Variants in GUCY1A2 observed in about 807,000 individuals in gnomAD.
The protein encoded by GUCY1A2 is guanylate cyclase soluble subunit alpha-2.
GUCY1A2 carries 27 observed loss-of-function variants against 63.5 expected under a neutral mutation model. The ratio of observed to expected loss-of-function variants is 0.43; its 90% CI spans 0.31 to 0.59. The LOEUF (loss-of-function observed/expected upper bound fraction) is 0.59. Ranked by LOEUF, GUCY1A2 falls within the 20% of genes least tolerant of loss-of-function variation. GUCY1A2 has a pLI of 0.11. For synonymous variants in GUCY1A2, 364 were observed against 343.5 expected (o/e 1.06, Z -0.66); for missense variants, 768 against 913.3 (o/e 0.84, Z 2.05).
chr11:106,815,976 T>C (rs767453387), intron 4 of GUCY1A2, among the ~76,000 whole-genome samples: 3 of 152,146 alleles, frequency 2.0e-5, no homozygotes, highest in Non-Finnish European at 4.4e-5. Flanking sequence ...CTTTGACTTC[T>C]GGCATGCAGG....
intron 7 of GUCY1A2, among the ~76,000 whole-genome samples, chr11:106,693,986 C>A (rs1862672334): frequency 6.6e-6 from 1 of 152,024 alleles, no homozygotes; most frequent in African/African-American, 2.4e-5. Context: ...CTGTAAATAT[C>A]TTTCTATTTA....
intron 4 of GUCY1A2, among the ~76,000 whole-genome samples, chr11:106,814,540 A>G (rs916318521): frequency 6.6e-6 from 1 of 152,094 alleles, no homozygotes; most frequent in African/African-American, 2.4e-5. Flanking sequence ...GTAATTTTGC[A>G]CAACAAATGC....
chr11:106,752,059 T>C (rs1863890610), intron 6 of GUCY1A2, among the ~76,000 whole-genome samples: 1 of 152,186 alleles, frequency 6.6e-6, no homozygotes, highest in Non-Finnish European at 1.5e-5. Flanking sequence ...AGTTACAATA[T>C]GTTAAATACC....
chr11:106,782,468 A>G (rs61905190), intron 5 of GUCY1A2, among the ~76,000 whole-genome samples: 31,201 of 152,086 alleles, frequency 0.21, 3,590 homozygotes, highest in South Asian at 0.29. Context: ...GGACTGGTAA[A>G]TGTCCCATAT....
chr11:107,012,545 T>G (rs1045265726), intron 1 of GUCY1A2, among the ~76,000 whole-genome samples: 5 of 152,130 alleles, frequency 3.3e-5, no homozygotes, highest in Non-Finnish European at 7.4e-5. Context: ...AGATAAGAGT[T>G]AGCTTTCCCA....
chr11:107,009,586 C>A (rs1325392141), intron 1 of GUCY1A2, among the ~76,000 whole-genome samples: 9 of 152,106 alleles, frequency 5.9e-5, no homozygotes, highest in Non-Finnish European at 8.8e-5. Context: ...AACAAAACAT[C>A]CTCGGGAAAA....
chr11:106,694,980 C>T (rs1187627646), intron 7 of GUCY1A2, among the ~76,000 whole-genome samples: 1 of 152,110 alleles, frequency 6.6e-6, no homozygotes, highest in East Asian at 1.9e-4. Flanking sequence ...TTTAGATTAT[C>T]CTCCTAATTA....
chr11:106,766,040 G>A (rs1864156587), intron 6 of GUCY1A2, among the ~76,000 whole-genome samples: 1 of 152,120 alleles, frequency 6.6e-6, no homozygotes, highest in African/African-American at 2.4e-5. Flanking sequence ...AAAAGCAAGA[G>A]TTGCTAGGAA....
rs1318572264 is a variant in GUCY1A2, at chr11:106,725,425, GCCTCCCAAAGTGCGA to G, written c.1837-16774_1837-16760del. 6.3e-5 allele frequency among the ~76,000 whole-genome samples: 3 copies of G among 47,250 alleles called. 1 individual carries two copies. The highest frequency in any genetic ancestry group is 4.2e-4 in the Admixed American group (2 of 4,784). 31.0% of individuals were successfully genotyped at this position (47,250 alleles called of 152,430 possible). ...CTGACCTCGTGATCCGCCCGCCTCG[GCCTCCCAAAGTGCGA>G]CATAAATTCTTATTGGCTAAAATTC... On this transcript the variant is annotated intron_variant, in intron 6 of 7. Coordinates refer to ENST00000526355, the MANE Select transcript of GUCY1A2 (RefSeq NM_000855.3).
intron 1 of GUCY1A2, among the ~76,000 whole-genome samples, chr11:106,986,875 C>T (rs149470288): frequency 6.2e-4 from 95 of 152,246 alleles, no homozygotes; most frequent in African/African-American, 2.1e-3. Context: ...ATCTAAGCAG[C>T]TCATGACCAC....
intron 4 of GUCY1A2, among the ~76,000 whole-genome samples, chr11:106,877,940 C>A (rs1349489046): frequency 6.6e-6 from 1 of 151,098 alleles, no homozygotes; most frequent in African/African-American, 2.4e-5. Context: ...GAAAGAAAAA[C>A]CCAAACAAAC....
At chr11:106,828,301 T>A (rs946242158) in intron 4 of GUCY1A2, among the ~76,000 whole-genome samples, 1 of 1,482 alleles carries the variant, frequency 6.7e-4, no homozygotes, top group African/African-American at 1.9e-3. Flanking sequence ...TTTTCCTAGA[T>A]TTTTTTTTTA....
At chr11:106,694,708 G>A (rs1460288806) in intron 7 of GUCY1A2, among the ~76,000 whole-genome samples, 1 of 152,198 alleles carries the variant, frequency 6.6e-6, no homozygotes, top group African/African-American at 2.4e-5. Flanking sequence ...GACGTCCAAA[G>A]GCTGGTATGG....
At chr11:106,778,909 C>A (rs1019146577) in intron 5 of GUCY1A2, among the ~76,000 whole-genome samples, 4 of 149,242 alleles carry the variant, frequency 2.7e-5, no homozygotes, top group African/African-American at 2.5e-5. Flanking sequence ...GAAAAATATG[C>A]GTCAGTGATG....
intron 3 of GUCY1A2, among the ~76,000 whole-genome samples, chr11:106,949,577 G>T (rs1293590305): frequency 6.6e-6 from 1 of 152,116 alleles, no homozygotes; most frequent in Non-Finnish European, 1.5e-5. Context: ...GACCGAGATA[G>T]ATGTCTCTAC....
chr11:106,843,024 A>C (rs1017119301), intron 4 of GUCY1A2, among the ~76,000 whole-genome samples: 17 of 151,902 alleles, frequency 1.1e-4, no homozygotes, highest in African/African-American at 4.1e-4. Flanking sequence ...GAGTTCATTC[A>C]AGGGAGAAAA....
intron 2 of GUCY1A2, among the ~76,000 whole-genome samples, chr11:106,979,501 A>C (rs1861307988): frequency 6.6e-6 from 1 of 152,086 alleles, no homozygotes; most frequent in African/African-American, 2.4e-5. Context: ...ATGGTGTATA[A>C]ATAACATACA....
intron 4 of GUCY1A2, among the ~76,000 whole-genome samples, chr11:106,851,185 T>A (rs895581213): frequency 7.1e-6 from 1 of 139,930 alleles, no homozygotes; most frequent in Non-Finnish European, 1.5e-5. Flanking sequence ...TTTAAATGGG[T>A]TTTTTTTTGT....
chr11:106,846,130 A>G (rs1859267671), intron 4 of GUCY1A2, among the ~76,000 whole-genome samples: 1 of 151,638 alleles, frequency 6.6e-6, no homozygotes, highest in Non-Finnish European at 1.5e-5. Context: ...ACTAAATGCA[A>G]TGTGTAATAC....
Sources: gnomAD v4.1 joint callset for allele counts (sites outside exome capture counted in the v4.1 genomes callset) on GRCh38, gnomAD v4.1.1 for gene constraint, MANE v1.5 for transcripts, NCBI Gene and HGNC (gene_info 2026-07-23, HGNC 2026-07-21) for gene names.